RGL1: variants seen among roughly 807,000 people sequenced by gnomAD.
The protein encoded by RGL1 is ral guanine nucleotide dissociation stimulator-like 1.
In RGL1, 24 loss-of-function variants were observed where a neutral mutation model predicts 95.2. That is an observed-to-expected ratio of 0.25 (90% CI 0.18 to 0.35). The LOEUF is 0.35. Among genes scored for constraint, RGL1 ranks in the 10% least tolerant of loss-of-function variants. RGL1 has a pLI of 1.00. For missense variants in RGL1, 715 were observed against 936.3 expected, an observed-to-expected ratio of 0.76 and a Z score of 3.08; for synonymous variants, 329 against 344.9, an observed-to-expected ratio of 0.95 and a Z score of 0.51.
Position 183,877,749 on chromosome 1 carries a change from A to G in RGL1, c.426-2867A>G, listed in dbSNP as rs116594032. Among the ~76,000 whole-genome samples, 788 of 152,304 alleles carry G rather than the reference A, an allele frequency of 5.2e-3. 11 individuals are homozygous for G. Among genetic ancestry groups the G allele is most frequent in the African/African-American group, 0.017 (715 of 41,556 alleles). On this transcript the variant is annotated intron_variant, in intron 4 of 17. Transcript: ENST00000360851. The stretch of plus-strand genomic sequence containing the variant: ...TTTCAAAGCCTTCTTAGGCTAAGCT[A>G]CAGGAAGGTCACTGTCACAAAGAGT...
At chr1:183,725,339 G>T (rs370175806) in intron 1 of RGL1, among the ~76,000 whole-genome samples, 4 of 152,200 alleles carry the variant, frequency 2.6e-5, no homozygotes, top group African/African-American at 9.6e-5. Flanking sequence ...TTAATTGACG[G>T]TTCTGCATGT....
chr1:183,872,562 C>T lies in RGL1; in HGVS notation c.425+6489C>T, dbSNP rs541182095. Among the ~76,000 whole-genome samples, 52 of 152,096 alleles carry T rather than the reference C, an allele frequency of 3.4e-4. 3 individuals are homozygous for T. The highest frequency in any genetic ancestry group is 2.9e-5 in the Non-Finnish European group (2 of 68,012). ...ATATTCAGAAGATACGTATATTGTT[C>T]TTGTAATCTTTTCCCAGAAGTTGTA... On this transcript the variant is annotated intron_variant, in intron 4 of 17. Coordinates refer to ENST00000360851, the MANE Select transcript of RGL1 (RefSeq NM_001297671.3).
At chr1:183,925,584 T>TA (rs1669569823) in intron 17 of RGL1, among the ~76,000 whole-genome samples, 1 of 152,216 alleles carries the variant, frequency 6.6e-6, no homozygotes, top group South Asian at 2.1e-4. Flanking sequence ...ACATGGGAAA[T>TA]AAAATACTCG....
chr1:183,806,323 G>A (rs768023796), intron 1 of RGL1, 52 bp from the exon 2 acceptor site: 21 of 1,418,978 alleles, frequency 1.5e-5, no homozygotes, highest in Non-Finnish European at 2.0e-5. Context: ...ATTGTGGTTA[G>A]CAGAGAGGAA....
At chr1:183,884,209 C>T (rs746834984) in intron 6 of RGL1, among the ~76,000 whole-genome samples, 1 of 152,218 alleles carries the variant, frequency 6.6e-6, no homozygotes, top group Admixed American at 6.5e-5. Flanking sequence ...GTATTTTTCT[C>T]CCTTTACACT....
intron 4 of RGL1, among the ~76,000 whole-genome samples, chr1:183,877,009 C>G (rs1666533025): frequency 6.6e-6 from 1 of 152,222 alleles, no homozygotes. Flanking sequence ...GAAATCACAA[C>G]TGATCAGTGT....
rs1444652291 is a variant in RGL1, at chr1:183,858,356, A to T, written c.348-7640A>T. Among the ~76,000 whole-genome samples, 3 of 152,206 alleles carry T rather than the reference A, an allele frequency of 2.0e-5. No homozygotes were observed. The East Asian group carries it at 5.8e-4, about 29-fold the overall frequency. On this transcript the variant is annotated intron_variant, in intron 3 of 17. Coordinates refer to ENST00000360851, the MANE Select transcript of RGL1 (RefSeq NM_001297671.3). ...TGTCACAATTTTTTTCATAAAATTT[A>T]GGGACTTCCCAGACTTCTGTAAATT...
chr1:183,812,115 C>T (rs148965041), intron 2 of RGL1, among the ~76,000 whole-genome samples: 5 of 152,218 alleles, frequency 3.3e-5, no homozygotes, highest in South Asian at 2.1e-4. Context: ...GACTGTCTTA[C>T]GTATTTTATG....
intron 4 of RGL1, among the ~76,000 whole-genome samples, chr1:183,879,781 C>A (rs1370464946): frequency 6.6e-6 from 1 of 152,188 alleles, no homozygotes. Context: ...CCTTTTTATC[C>A]TTCAGCTATT....
intron 17 of RGL1, among the ~76,000 whole-genome samples, chr1:183,924,796 A>T (rs1034503328): frequency 7.9e-6 from 1 of 126,328 alleles, no homozygotes; most frequent in Admixed American, 7.5e-5. Context: ...ATACAAAAAA[A>T]TACAAAAAAA....
intron 4 of RGL1, among the ~76,000 whole-genome samples, chr1:183,880,084 TGA>T (rs1666736471): frequency 6.6e-6 from 1 of 152,272 alleles, no homozygotes; most frequent in Non-Finnish European, 1.5e-5. Flanking sequence ...GATAATTTTA[TGA>T]GGACATTTTC....
At chr1:183,816,249 T>G (rs1273100745) in intron 2 of RGL1, among the ~76,000 whole-genome samples, 1 of 152,166 alleles carries the variant, frequency 6.6e-6, no homozygotes, top group African/African-American at 2.4e-5. Flanking sequence ...CCATATTCTG[T>G]CTTCTGTTTT....
chr1:183,704,562 G>T (rs1572300639), intron 1 of RGL1, among the ~76,000 whole-genome samples: 1 of 152,300 alleles, frequency 6.6e-6, no homozygotes, highest in Admixed American at 6.5e-5. Context: ...CATCTGGAAG[G>T]TGTTGGTCTG....
intron 2 of RGL1, among the ~76,000 whole-genome samples, chr1:183,834,780 G>A (rs557183497): frequency 1.6e-4 from 24 of 152,012 alleles, no homozygotes; most frequent in African/African-American, 5.5e-4. Context: ...CCTTGTACTC[G>A]TCCGTTCAAG....
rs190587242 is a variant in RGL1, at chr1:183,788,412, C to A, written c.133-17963C>A. ...AGTCTCTCAATGGATTAGATGATAT[C>A]CACTTCCATTGGGGAGAGCAATCTA... On this transcript the variant is annotated intron_variant, in intron 2 of 18. Coordinates refer to the RGL1 transcript ENST00000304685. 3.0e-4 allele frequency among the ~76,000 whole-genome samples: 45 copies of A among 152,310 alleles called. No homozygotes were observed. In the East Asian group the frequency reaches 8.3e-3, roughly 28 times the overall value.
At chr1:183,827,973 G>T (rs923697045) in intron 2 of RGL1, among the ~76,000 whole-genome samples, 12 of 152,154 alleles carry the variant, frequency 7.9e-5, no homozygotes, top group African/African-American at 2.2e-4. Context: ...TCACATCCAG[G>T]ACCATTGTGT....
At chr1:183,775,161 C>G (rs545264376) in intron 2 of RGL1, among the ~76,000 whole-genome samples, 1 of 152,218 alleles carries the variant, frequency 6.6e-6, no homozygotes, top group Non-Finnish European at 1.5e-5. Context: ...TGGCAATACT[C>G]ACTGTCTCAG....
In RGL1 at chr1:183,729,937, G is replaced by A. The variant is rs78095782; in HGVS notation, c.-32-12189G>A. 2.9e-3 allele frequency among the ~76,000 whole-genome samples: 440 copies of A among 152,270 alleles called. 5 individuals carry two copies. The highest frequency in any genetic ancestry group is 0.01 in the African/African-American group (423 of 41,568). ...ACTTAACATATATTTACAGAAAGCA[G>A]GTTCATGGTTGCCCGGGGCCAGTGA... is the stretch of plus-strand genomic sequence containing the variant. On this transcript the variant is annotated intron_variant, in intron 1 of 18. Transcript: ENST00000304685.
chr1:183,741,420 T>C (rs1657296889), intron 1 of RGL1, among the ~76,000 whole-genome samples: 1 of 152,088 alleles, frequency 6.6e-6, no homozygotes, highest in African/African-American at 2.4e-5. Context: ...CCTTGTAAAA[T>C]TGGTATCAAT....
Sources: gnomAD v4.1 joint callset for allele counts (sites outside exome capture counted in the v4.1 genomes callset) on GRCh38, gnomAD v4.1.1 for gene constraint, MANE v1.5 for transcripts, NCBI Gene and HGNC (gene_info 2026-07-23, HGNC 2026-07-21) for gene names.